CHSY1: variants seen among roughly 807,000 people sequenced by gnomAD.
CHSY1 encodes the protein N-acetylgalactosaminyl-proteoglycan 3-beta-glucuronosyltransferase 1.
A neutral mutation model predicts 59.8 loss-of-function variants in CHSY1; 13 were observed. That is an observed-to-expected ratio of 0.22 (90% CI 0.14 to 0.35). CHSY1 has a LOEUF of 0.35. Among genes scored for constraint, CHSY1 ranks in the 10% least tolerant of loss-of-function variants. The pLI is 1.00. For synonymous variants in CHSY1, 459 were observed against 401.2 expected, an observed-to-expected ratio of 1.14 and a Z score of -1.72; for missense variants, 947 against 1,030.6, an observed-to-expected ratio of 0.92 and a Z score of 1.11.
At chr15:101,222,192 C>T (rs2038796170) in intron 2 of CHSY1, among the ~76,000 whole-genome samples, 1 of 152,208 alleles carries the variant, frequency 6.6e-6, no homozygotes, top group South Asian at 2.1e-4. Context: ...AAATCACATC[C>T]TGCACAATAT....
At chr15:101,224,660 G>A (rs2038822033) in intron 2 of CHSY1, among the ~76,000 whole-genome samples, 1 of 152,174 alleles carries the variant, frequency 6.6e-6, no homozygotes, top group Admixed American at 6.5e-5. Context: ...GTCTGCCTCT[G>A]AGAAACTCCC....
chr15:101,230,318 A>G (rs2038881345), intron 2 of CHSY1, among the ~76,000 whole-genome samples: 1 of 152,196 alleles, frequency 6.6e-6, no homozygotes, highest in Non-Finnish European at 1.5e-5. Flanking sequence ...CCTGGTTCTC[A>G]GGCCTGCGAG....
Position 101,178,824 on chromosome 15 carries a change from A to T in CHSY1, c.973T>A (p.Ser325Thr), listed in dbSNP as rs765848875. 93 of 1,613,958 alleles carry T rather than the reference A, an allele frequency of 5.8e-5. 2 individuals carry two copies. In the South Asian group the frequency reaches 9.7e-4, roughly 17 times the overall value. Residue 325 changes from serine to threonine, a missense_variant, in exon 3 of 3, where the codon TCC (serine) becomes ACC (threonine). Around this residue, in one of 4 missense-constraint regions of CHSY1, gnomAD observed 602 missense variants for 676.9 expected, o/e 0.89. Transcript: ENST00000254190. ...TGTATTGTGCGATGGCGGAGCTCGG[A>T]TATCTTGCGGCTCAGCATGTAGCTG... The part of the protein sequence containing the change: ...LHSYMLSRKI[S>T]ELRHRTIQLH...
At chr15:101,223,825 C>A (rs968965894) in intron 2 of CHSY1, among the ~76,000 whole-genome samples, 1 of 151,008 alleles carries the variant, frequency 6.6e-6, no homozygotes, top group East Asian at 1.9e-4. Flanking sequence ...GGGACTCAGG[C>A]CTCGTCTACT....
At chr15:101,209,496 A>G (rs2038661925) in intron 2 of CHSY1, among the ~76,000 whole-genome samples, 1 of 152,206 alleles carries the variant, frequency 6.6e-6, no homozygotes, top group Admixed American at 6.5e-5. Context: ...TTTTTGTTTT[A>G]AGGAAAAAGG....
intron 2 of CHSY1, among the ~76,000 whole-genome samples, chr15:101,218,598 T>C (rs1024922149): frequency 2.0e-5 from 3 of 152,090 alleles, no homozygotes; most frequent in Non-Finnish European, 2.9e-5. Context: ...AGTGCATAAA[T>C]AAAACTCTCC....
intron 1 of CHSY1, among the ~76,000 whole-genome samples, 188 bp downstream of exon 1, chr15:101,250,949 C>T (rs1054445334): frequency 1.3e-5 from 2 of 152,228 alleles, no homozygotes; most frequent in African/African-American, 4.8e-5. Context: ...TTCCTGAGCG[C>T]CGCGCTCACC....
At chr15:101,215,371 T>TA (rs2038721164) in intron 2 of CHSY1, among the ~76,000 whole-genome samples, 1 of 152,008 alleles carries the variant, frequency 6.6e-6, no homozygotes, top group Non-Finnish European at 1.5e-5. Flanking sequence ...GATGAAGGGG[T>TA]AGGATACAAA....
At chr15:101,205,927 G>C (rs1416545963) in intron 2 of CHSY1, among the ~76,000 whole-genome samples, 1 of 151,920 alleles carries the variant, frequency 6.6e-6, no homozygotes, top group Admixed American at 6.6e-5. Flanking sequence ...ACTCCAGCCT[G>C]GGCGAAAGAG....
At chr15:101,189,993 A>G (rs1221323144) in intron 2 of CHSY1, among the ~76,000 whole-genome samples, 1 of 152,248 alleles carries the variant, frequency 6.6e-6, no homozygotes, top group East Asian at 1.9e-4. Flanking sequence ...CGTTACACTC[A>G]GAACTGTCAG....
Position 101,178,794 on chromosome 15 carries a change from G to T in CHSY1, c.1003C>A (p.His335Asn), listed in dbSNP as rs2038234451. The T allele has an allele frequency of 6.2e-7, 1 of 1,614,086 alleles. No individual in the cohort carries two copies. The change falls in exon 3 of 3, where the codon CAC becomes AAC. Residue 335 changes from histidine to asparagine, a missense_variant. By Grantham distance (68) the His-to-Asn change is moderately conservative. Around this residue, in one of 4 missense-constraint regions of CHSY1, gnomAD observed 602 missense variants for 676.9 expected, o/e 0.89. Coordinates refer to ENST00000254190, the MANE Select transcript of CHSY1 (RefSeq NM_014918.5). ...TTGCTCATCAGGACAATTTCGCGGT[G>T]CAGCTGTATTGTGCGATGGCGGAGC... Reference protein sequence around the residue: ...SELRHRTIQLHREIVLMSKYS... With the variant: ...SELRHRTIQLNREIVLMSKYS...
At chr15:101,182,601 T>C (rs944350688) in intron 2 of CHSY1, among the ~76,000 whole-genome samples, 5 of 152,166 alleles carry the variant, frequency 3.3e-5, no homozygotes, top group African/African-American at 7.2e-5. Context: ...GAAATGGAAA[T>C]TGGGGGACTT....
rs1368932578 is a variant in CHSY1, at chr15:101,180,344, G to A, written c.817-1364C>T. Among the ~76,000 whole-genome samples the A allele has an allele frequency of 4.6e-5, 7 of 152,294 alleles. No individual in the cohort carries two copies. The South Asian group carries it at 1.0e-3, about 23-fold the overall frequency. ...AGAATTACAGGTCCTCCAAAGTGCC[G>A]CCGCTGTTTCCAACTTTCCTTCCCA... On this transcript the variant is annotated intron_variant, in intron 2 of 2. Transcript: ENST00000254190.
At chr15:101,241,365 C>T (rs551098455) in intron 1 of CHSY1, among the ~76,000 whole-genome samples, 2 of 152,290 alleles carry the variant, frequency 1.3e-5, no homozygotes, top group South Asian at 2.1e-4. Context: ...CTGGGATTAC[C>T]GGCGGAAGCC....
intron 2 of CHSY1, among the ~76,000 whole-genome samples, chr15:101,216,870 G>A (rs1440830651): frequency 6.6e-6 from 1 of 152,220 alleles, no homozygotes; most frequent in Non-Finnish European, 1.5e-5. Context: ...AGCTAACCTG[G>A]ATGTATATAA....
chr15:101,188,857 C>T (rs1303087364), intron 2 of CHSY1, among the ~76,000 whole-genome samples: 1 of 152,162 alleles, frequency 6.6e-6, no homozygotes, highest in East Asian at 1.9e-4. Flanking sequence ...CCCTTATCTG[C>T]AGTCCGAAAA....
In CHSY1 at chr15:101,178,746, T is replaced by C. The variant is rs1567336689; in HGVS notation, c.1051A>G (p.Lys351Glu). 6.2e-7 allele frequency: 1 copy of C among 1,614,212 alleles called. No individual in the cohort carries two copies. Among genetic ancestry groups the C allele is most frequent in the Non-Finnish European group, 8.5e-7 (1 of 1,180,042 alleles). Residue 351 changes from lysine (K) to glutamate (E), a missense_variant, in exon 3 of 3, where the codon AAA becomes GAA. Coordinates refer to ENST00000254190, the MANE Select transcript of CHSY1 (RefSeq NM_014918.5). Reference sequence around the variant, plus strand: ...GGGATTCCCAGCTGGAGGTCCTCTTTATGAATTTCTGTGTTGCTGTATTTG... The same window carrying C: ...GGGATTCCCAGCTGGAGGTCCTCTTCATGAATTTCTGTGTTGCTGTATTTG... ...MSKYSNTEIH[K>E]EDLQLGIPPS...
chr15:101,206,493 C>G (rs2038628154), intron 2 of CHSY1, among the ~76,000 whole-genome samples: 1 of 147,724 alleles, frequency 6.8e-6, no homozygotes, highest in African/African-American at 2.6e-5. Flanking sequence ...TGCTAAGTGA[C>G]AGATCACCAC....
At position 101,185,177 on chromosome 15, in the gene CHSY1, T is replaced by C. The variant is rs149532126; in HGVS notation, c.817-6197A>G. 3.3e-3 allele frequency among the ~76,000 whole-genome samples: 507 copies of C among 152,260 alleles called. 5 individuals are homozygous for C. The highest frequency in any genetic ancestry group is 0.011 in the African/African-American group (462 of 41,532). On this transcript the variant is annotated intron_variant, in intron 2 of 2. Coordinates refer to ENST00000254190, the MANE Select transcript of CHSY1 (RefSeq NM_014918.5). Reference sequence around the variant, plus strand: ...TACCCTCAGCGTGTGGAATGGGAGATGGAGAGGCAGAAATCAAATATGCTG... The same window carrying C: ...TACCCTCAGCGTGTGGAATGGGAGACGGAGAGGCAGAAATCAAATATGCTG...
Sources: gnomAD v4.1 joint callset for allele counts (sites outside exome capture counted in the v4.1 genomes callset) on GRCh38, gnomAD v4.1.1 for gene constraint, gnomAD v4.1.1 regional missense constraint, MANE v1.5 for transcripts, NCBI Gene and HGNC (gene_info 2026-07-23, HGNC 2026-07-21) for gene names.